Variants in SUGCT observed in about 807,000 individuals in gnomAD.
SUGCT encodes the protein succinyl-CoA:glutarate CoA-transferase.
Under a neutral mutation model 55.0 loss-of-function variants are expected in SUGCT, and 41 were observed. That is an observed-to-expected ratio of 0.74 (90% confidence interval 0.58 to 0.97). The LOEUF is 0.97. Among genes scored for constraint, SUGCT ranks in the 50% least tolerant of loss-of-function variants. The pLI, the probability that SUGCT is intolerant of heterozygous loss-of-function variation, is 0.00. For missense variants in SUGCT, 568 were observed against 547.8 expected, an observed-to-expected ratio of 1.04 and a Z score of -0.37; for synonymous variants, 187 against 200.4, an observed-to-expected ratio of 0.93 and a Z score of 0.56.
chr7:40,850,761 C>G (rs528858844), intron 13 of SUGCT, among the ~76,000 whole-genome samples: 1 of 152,334 alleles, frequency 6.6e-6, no homozygotes, highest in Admixed American at 6.5e-5. Context: ...TTGTCCCTGA[C>G]AATTAAAGAT....
intron 12 of SUGCT, among the ~76,000 whole-genome samples, chr7:40,542,588 A>G (rs1000727260): frequency 1.3e-5 from 2 of 152,230 alleles, no homozygotes; most frequent in African/African-American, 2.4e-5. Context: ...AGGCCTGCCT[A>G]TATAATAAAG....
chr7:40,174,912 G>A (rs1036813578), intron 1 of SUGCT, among the ~76,000 whole-genome samples: 4 of 152,224 alleles, frequency 2.6e-5, no homozygotes, highest in Non-Finnish European at 4.4e-5. Flanking sequence ...ACTTTTGCGA[G>A]TATTGAATAG....
At chr7:40,816,370 C>A (rs553462273) in intron 13 of SUGCT, among the ~76,000 whole-genome samples, 9 of 152,312 alleles carry the variant, frequency 5.9e-5, no homozygotes, top group African/African-American at 1.7e-4. Context: ...CTTTCTCTTA[C>A]AACATCTTCA....
chr7:40,517,856 T>A (rs566537450), intron 12 of SUGCT, among the ~76,000 whole-genome samples: 1 of 152,078 alleles, frequency 6.6e-6, no homozygotes, highest in Non-Finnish European at 1.5e-5. Flanking sequence ...TCCCGGTAGA[T>A]CTTAAATCTA....
intron 9 of SUGCT, among the ~76,000 whole-genome samples, chr7:40,406,271 T>G (rs1455572492): frequency 6.6e-6 from 1 of 152,066 alleles, no homozygotes; most frequent in African/African-American, 2.4e-5. Flanking sequence ...CAATCTTAGG[T>G]TTGACAATGG....
chr7:40,416,198 T>C (rs1462873200), intron 9 of SUGCT, among the ~76,000 whole-genome samples: 1 of 151,860 alleles, frequency 6.6e-6, no homozygotes, highest in Non-Finnish European at 1.5e-5. Context: ...TGAATAGCAA[T>C]TTTCTGTTTT....
chr7:40,196,007 C>A (rs893109645), intron 6 of SUGCT, among the ~76,000 whole-genome samples: 11 of 152,110 alleles, frequency 7.2e-5, no homozygotes, highest in African/African-American at 2.4e-4. Context: ...AGCCATCACT[C>A]CTGGCCTACA....
rs79605746 is a variant in SUGCT at position 40,350,155 on chromosome 7, A to G, written c.816+33300A>G. ...ATTGTTCTTTTTAAAATAATTTCAT[A>G]TAATTGATATATGTCAATTTTAATA... On this transcript the variant is annotated intron_variant, in intron 9 of 13. Coordinates refer to ENST00000335693, the MANE Select transcript of SUGCT (RefSeq NM_001193313.2). Among the ~76,000 whole-genome samples the G allele has an allele frequency of 2.2e-4, 33 of 152,030 alleles. No homozygotes were observed. The East Asian group carries it at 6.0e-3, about 28-fold the overall frequency.
intron 13 of SUGCT, among the ~76,000 whole-genome samples, chr7:40,800,286 CT>C (rs11307043): frequency 0.2 from 25,131 of 124,582 alleles, 2,199 homozygotes; most frequent in Admixed American, 0.26. Context: ...GTATTCATGA[CT>C]TTTTTTTTTT....
chr7:40,425,409 C>G (rs528445284), intron 9 of SUGCT, among the ~76,000 whole-genome samples: 2 of 152,118 alleles, frequency 1.3e-5, no homozygotes, highest in South Asian at 4.2e-4. Flanking sequence ...TTGTCTAACA[C>G]CCTAAATTTA....
chr7:40,850,478 T>C (rs1185388274), intron 13 of SUGCT, among the ~76,000 whole-genome samples: 4 of 152,168 alleles, frequency 2.6e-5, no homozygotes, highest in African/African-American at 9.7e-5. Context: ...TCCACTTAAC[T>C]AGTTAAAAGG....
chr7:40,626,368 TGCTTCA>T (rs146495152), intron 12 of SUGCT, among the ~76,000 whole-genome samples: 3,526 of 152,022 alleles, frequency 0.023, 131 homozygotes, highest in African/African-American at 0.082. Flanking sequence ...GCGATTCTCC[TGCTTCA>T]GCCTCCTGAG....
intron 13 of SUGCT, among the ~76,000 whole-genome samples, chr7:40,847,996 A>G (rs767189406): frequency 1.3e-5 from 2 of 152,192 alleles, no homozygotes; most frequent in East Asian, 1.9e-4. Flanking sequence ...CCACAGATCA[A>G]TCATGGGCAA....
At position 40,497,157 on chromosome 7, in the gene SUGCT, T is replaced by G. The variant is rs745944327; in HGVS notation, c.1089+771T>G. Among the ~76,000 whole-genome samples the G allele has an allele frequency of 3.9e-5, 6 of 152,314 alleles. 1 individual carries two copies. The Middle Eastern group carries it at 0.014, about 345-fold the overall frequency. ...GTCCATTTTAAAGCTTTCACTATGA[T>G]TATTCAACTGTCTTGTCAGTTTCCA... On this transcript the variant is annotated intron_variant, in intron 12 of 13. Transcript: ENST00000335693.
intron 7 of SUGCT, among the ~76,000 whole-genome samples, chr7:40,249,329 A>ATATATATATC (rs1790170812): frequency 2.5e-5 from 3 of 118,640 alleles, no homozygotes; most frequent in Non-Finnish European, 5.3e-5. Context: ...ATATATATAT[A>ATATATATATC]TATATATATA....
At chr7:41,037,503 CTT>C in the SUGCT span, among the ~76,000 whole-genome samples, 53 of 144,376 alleles carry the variant, frequency 3.7e-4, no homozygotes, top group African/African-American at 7.8e-4. Flanking sequence ...TGTGCTCAGC[CTT>C]TTTTTTTTTT....
chr7:40,804,174 T>C (rs576924492), intron 13 of SUGCT, among the ~76,000 whole-genome samples: 27 of 152,292 alleles, frequency 1.8e-4, no homozygotes, highest in African/African-American at 5.8e-4. Context: ...GCTTACAAGT[T>C]TTGGCAACTT....
At chr7:41,000,312 A>G in the SUGCT span, among the ~76,000 whole-genome samples, 3 of 152,252 alleles carry the variant, frequency 2.0e-5, no homozygotes, top group South Asian at 6.2e-4. Flanking sequence ...ACACATTCTT[A>G]AATTGGTCTT....
intron 12 of SUGCT, among the ~76,000 whole-genome samples, chr7:40,516,721 A>C (rs1793256369): frequency 6.6e-6 from 1 of 152,090 alleles, no homozygotes; most frequent in Non-Finnish European, 1.5e-5. Context: ...CTCTGTCTTG[A>C]TTACTGTAGC....
Sources: allele counts gnomAD v4.1 joint callset (sites outside exome capture counted in the v4.1 genomes callset), GRCh38; gene constraint gnomAD v4.1.1; transcripts MANE v1.5; gene names NCBI Gene and HGNC (gene_info 2026-07-23, HGNC 2026-07-21).